LRMDA: variants seen among roughly 807,000 people sequenced by gnomAD.
LRMDA encodes leucine rich melanocyte differentiation associated.
In LRMDA, 18 loss-of-function variants were observed where a neutral mutation model predicts 29.8. The ratio of observed to expected loss-of-function variants is 0.60; its 90% confidence interval spans 0.42 to 0.90. The LOEUF (loss-of-function observed/expected upper bound fraction) is 0.90. Among genes scored for constraint, LRMDA ranks in the 40% least tolerant of loss-of-function variants. The pLI, the probability that LRMDA is intolerant of heterozygous loss-of-function variation, is 0.00. For missense variants in LRMDA, 273 were observed against 273.9 expected (o/e 1.00, Z 0.02); for synonymous variants, 125 against 109.4 (o/e 1.14, Z -0.89).
intron 2 of LRMDA, among the ~76,000 whole-genome samples, chr10:75,537,579 G>T (rs1839964734): frequency 6.6e-6 from 1 of 152,194 alleles, no homozygotes; most frequent in Admixed American, 6.5e-5. Context: ...AATGTATGAG[G>T]CCTGAGCCAG....
At chr10:75,451,979 GTGCATGC>G (rs1844467415) in intron 2 of LRMDA, among the ~76,000 whole-genome samples, 1 of 151,962 alleles carries the variant, frequency 6.6e-6, no homozygotes, top group African/African-American at 2.4e-5. Flanking sequence ...GGGGTTATAT[GTGCATGC>G]TAATTTGCTC....
At chr10:76,035,895 A>C in intron 2 of LRMDA, 113 bp from the exon 3 acceptor site, 18 of 1,114,420 alleles carry the variant, frequency 1.6e-5, no homozygotes, top group Middle Eastern at 2.6e-4. Flanking sequence ...GACAGGCACC[A>C]AGCCCAAACT....
intron 6 of LRMDA, among the ~76,000 whole-genome samples, chr10:76,493,895 A>G (rs184139110): frequency 1.6e-3 from 238 of 152,176 alleles, no homozygotes; most frequent in Admixed American, 0.013. Flanking sequence ...TATTTCTCTC[A>G]GCAACATCTT....
chr10:75,569,855 C>T (rs1203418335), intron 2 of LRMDA, among the ~76,000 whole-genome samples: 9 of 152,232 alleles, frequency 5.9e-5, no homozygotes, highest in African/African-American at 2.2e-4. Flanking sequence ...TGAGAAACCA[C>T]ATTTTAATGT....
At chr10:76,332,991 T>C (rs897832024) in intron 6 of LRMDA, among the ~76,000 whole-genome samples, 4 of 152,204 alleles carry the variant, frequency 2.6e-5, no homozygotes, top group African/African-American at 9.6e-5. Context: ...CTGCAAATGC[T>C]CTCAACGTTT....
chr10:76,508,088 A>G (rs1049559142), intron 6 of LRMDA, among the ~76,000 whole-genome samples: 1 of 152,212 alleles, frequency 6.6e-6, no homozygotes, highest in Non-Finnish European at 1.5e-5. Flanking sequence ...ATATTTGGCC[A>G]GAATAGCATA....
intron 2 of LRMDA, among the ~76,000 whole-genome samples, chr10:75,595,455 C>T (rs1840774297): frequency 6.6e-6 from 1 of 151,814 alleles, no homozygotes; most frequent in Admixed American, 6.6e-5. Context: ...CCATCTAATA[C>T]TGACAGCTAT....
intron 6 of LRMDA, among the ~76,000 whole-genome samples, chr10:76,487,081 C>T (rs1421730268): frequency 1.3e-5 from 2 of 151,886 alleles, no homozygotes; most frequent in African/African-American, 4.8e-5. Flanking sequence ...GCAGTAACAA[C>T]ATTAAGAACG....
intron 6 of LRMDA, among the ~76,000 whole-genome samples, chr10:76,383,325 A>G (rs1355182243): frequency 1.3e-5 from 2 of 151,640 alleles, no homozygotes; most frequent in African/African-American, 4.9e-5. Context: ...TGTTTTCTCT[A>G]CAGGCTCCTG....
intron 6 of LRMDA, among the ~76,000 whole-genome samples, chr10:76,332,724 A>C (rs1840919663): frequency 6.6e-6 from 1 of 152,238 alleles, no homozygotes; most frequent in South Asian, 2.1e-4. Context: ...TTTATAAAGA[A>C]AAAAGTATGA....
At chr10:76,349,770 CT>C (rs2132430306) in intron 6 of LRMDA, among the ~76,000 whole-genome samples, 1 of 152,150 alleles carries the variant, frequency 6.6e-6, no homozygotes, top group African/African-American at 2.4e-5. Context: ...ATTAATGTAT[CT>C]CTATTGGAAA....
intron 6 of LRMDA, among the ~76,000 whole-genome samples, chr10:76,527,049 CAAAAAAAAA>C (rs34187065): frequency 3.8e-5 from 4 of 105,520 alleles, no homozygotes; most frequent in East Asian, 8.0e-4. Context: ...TCAGGTCTGA[CAAAAAAAAA>C]AAAAAAAAAA....
chr10:76,012,567 C>T (rs1466945277), intron 2 of LRMDA, among the ~76,000 whole-genome samples: 3 of 152,076 alleles, frequency 2.0e-5, no homozygotes, highest in African/African-American at 7.2e-5. Context: ...TGGCTCTTCC[C>T]CCGACCCCTG....
At position 75,470,769 on chromosome 10, in the gene LRMDA, CAT is replaced by C. The variant is rs1466839287; in HGVS notation, c.131+32277_131+32278del. Among the ~76,000 whole-genome samples the C allele has an allele frequency of 3.3e-5, 5 of 152,270 alleles. No individual in the cohort carries two copies. In the South Asian group the frequency reaches 1.0e-3, roughly 32 times the overall value. Reference sequence around the variant, plus strand: ...GTTGGAACAGTCACGTCCCAGGGTACATAAGGTTGTGGGGTCCTCTCCGAGGA... The same window carrying C: ...GTTGGAACAGTCACGTCCCAGGGTACAAGGTTGTGGGGTCCTCTCCGAGGA... On this transcript the variant is annotated intron_variant, in intron 2 of 6. Coordinates refer to ENST00000611255, the MANE Select transcript of LRMDA (RefSeq NM_001305581.2).
intron 6 of LRMDA, among the ~76,000 whole-genome samples, chr10:76,514,566 T>A (rs1022493678): frequency 3.3e-5 from 5 of 152,040 alleles, no homozygotes; most frequent in African/African-American, 1.2e-4. Flanking sequence ...AGCCTTTGGT[T>A]TTTTATTGTG....
intron 2 of LRMDA, among the ~76,000 whole-genome samples, chr10:75,803,440 C>T (rs1361637577): frequency 6.6e-6 from 1 of 152,188 alleles, no homozygotes; most frequent in Non-Finnish European, 1.5e-5. Flanking sequence ...GTAACAAGTC[C>T]TGCCGGGAGA....
rs118085137 is a variant in LRMDA at position 75,858,788 on chromosome 10, G to A, written c.132-177220G>A. On this transcript the variant is annotated intron_variant, in intron 2 of 6. Coordinates refer to ENST00000611255, the MANE Select transcript of LRMDA (RefSeq NM_001305581.2). The stretch of plus-strand genomic sequence containing the variant: ...TTGAAAATTAAATTTTAACTACACA[G>A]GTATTCTCCATACTAACTGCTGAGG... Among the ~76,000 whole-genome samples, 6 of 152,218 alleles carry A rather than the reference G, an allele frequency of 3.9e-5. No homozygotes were observed. In the East Asian group the frequency reaches 1.2e-3, roughly 29 times the overall value.
chr10:76,545,515 G>T (rs1843409490), intron 6 of LRMDA, among the ~76,000 whole-genome samples: 1 of 151,778 alleles, frequency 6.6e-6, no homozygotes, highest in Non-Finnish European at 1.5e-5. Flanking sequence ...ATAAATGATG[G>T]TTCAGATCTA....
At chr10:75,743,168 G>T (rs1842850670) in intron 2 of LRMDA, among the ~76,000 whole-genome samples, 1 of 152,086 alleles carries the variant, frequency 6.6e-6, no homozygotes, top group African/African-American at 2.4e-5. Flanking sequence ...TGGGTTGGGT[G>T]AACCTTGAAA....
Sources: allele counts gnomAD v4.1 joint callset (sites outside exome capture counted in the v4.1 genomes callset), GRCh38; gene constraint gnomAD v4.1.1; transcripts MANE v1.5; gene names NCBI Gene and HGNC (gene_info 2026-07-23, HGNC 2026-07-21).